ARID5A: variants seen among roughly 807,000 people sequenced by gnomAD.
The protein encoded by ARID5A is AT-rich interaction domain 5A.
ARID5A carries 14 observed loss-of-function variants against 30.5 expected under a neutral mutation model. The observed-to-expected ratio is 0.46, with a 90% confidence interval of 0.30 to 0.72. The LOEUF (loss-of-function observed/expected upper bound fraction) is 0.72, where lower values mean the gene tolerates loss of function less well. Among genes scored for constraint, ARID5A ranks in the 30% least tolerant of loss-of-function variants. The probability of loss-of-function intolerance (pLI) is 0.07; values close to 1 mark genes in which losing one functional copy is unlikely to be tolerated. For missense variants in ARID5A, 669 were observed against 786.2 expected, an observed-to-expected ratio of 0.85 and a Z score of 1.78; for synonymous variants, 338 against 340.4, an observed-to-expected ratio of 0.99 and a Z score of 0.08.
Position 96,551,574 on chromosome 2 carries a change from C to G in ARID5A, c.1046C>G (p.Thr349Ser). Residue 349 changes from threonine to serine, a missense_variant, in exon 7 of 7, where the codon ACC becomes AGC. Thr to Ser is a moderately conservative substitution (Grantham distance 58). Transcript: ENST00000357485. ...IFKGCFYTHP[T>S]EVLKPVSQHP... ...AAGGGCTGCTTCTACACCCACCCCA[C>G]CGAGGTGCTGAAGCCTGTCAGCCAG... The G allele has an allele frequency of 7.5e-6, 12 of 1,595,610 alleles. No individual in the cohort carries two copies. The highest frequency in any genetic ancestry group is 1.0e-5 in the Non-Finnish European group (12 of 1,173,548).
Position 96,551,779 on chromosome 2 carries a change from G to A in ARID5A, c.1251G>A (p.Trp417Ter), listed in dbSNP as rs1215798049. 1 of 1,539,076 alleles carries A rather than the reference G, an allele frequency of 6.5e-7. No individual in the cohort carries two copies. The highest frequency in any genetic ancestry group is 8.7e-7 in the Non-Finnish European group (1 of 1,147,700). ...TCTACCCCAAGCCCAAAGCCTGCTG[G>A]GTGTCCCCCATGGCCAAGGTCCCAG... Reference protein sequence around the residue: ...GILYPKPKACWVSPMAKVPAE... With the variant: ...GILYPKPKAC Residue 417 changes from tryptophan to a stop codon, truncating the protein, a stop_gained, in exon 7 of 7, where the codon TGG becomes TGA. Transcript: ENST00000357485. LOFTEE classifies it low-confidence loss of function (END_TRUNC).
intron 1 of ARID5A, among the ~76,000 whole-genome samples, chr2:96,546,558 C>T (rs926561110): frequency 6.6e-5 from 10 of 152,350 alleles, no homozygotes; most frequent in East Asian, 5.8e-4. Context: ...GAAGCCTCAC[C>T]GAACTATCAG....
intron 1 of ARID5A, 143 bp from the exon 2 acceptor site, chr2:96,547,259 G>T: frequency 1.6e-6 from 1 of 627,234 alleles, no homozygotes; most frequent in East Asian, 3.1e-5. Context: ...CAAAGTGCTG[G>T]GATCACAGGA....
At position 96,549,323 on chromosome 2, in the gene ARID5A, C is replaced by T. The variant is rs1305408353; in HGVS notation, c.123C>T (p.Asp41=). ...AATGCCTCCTGTTCTCTCCCCAGGA[C>T]TCCCCCGAGGCAGGCGGGGAGCGGG... ...NGIQNPISLE[D]SPEAGGEREE... is the part of the protein sequence containing the mutation. Residue 41 remains aspartate (D), a splice_region_variant and synonymous_variant, in exon 3 of 7, where the codon GAC becomes GAT. Transcript: ENST00000357485. The surrounding 1 kb of genome is among the most constrained non-coding windows in gnomAD (Gnocchi z 6.1). 7.4e-6 allele frequency: 12 copies of T among 1,612,710 alleles called. No homozygotes were observed. The East Asian group carries it at 2.7e-4, about 36-fold the overall frequency.
rs1433200067 is a variant in ARID5A at position 96,549,680 on chromosome 2, C to T, written c.260-73C>T. ...CTGGTCTGTGCCTGGCCTGTCAGGG[C>T]ACCAGGAAGGGGTGGCATGCTGTCC... On this transcript the variant is annotated intron_variant, in intron 3 of 6. Coordinates refer to ENST00000357485, the MANE Select transcript of ARID5A (RefSeq NM_212481.3). This position sits in a 1 kb window ranked among gnomAD's most constrained non-coding sequence, Gnocchi z 6.1. 1 of 1,603,126 alleles carries T rather than the reference C, an allele frequency of 6.2e-7. No individual in the cohort carries two copies. Among genetic ancestry groups the T allele is most frequent in the Non-Finnish European group, 8.5e-7 (1 of 1,170,720 alleles).
At chr2:96,547,898 G>A (rs1272588914) in intron 2 of ARID5A, among the ~76,000 whole-genome samples, 2 of 152,240 alleles carry the variant, frequency 1.3e-5, no homozygotes, top group Non-Finnish European at 2.9e-5. Context: ...GCTGCAGGCA[G>A]CTTTTTCGGA....
Position 96,551,520 on chromosome 2 carries a change from C to A in ARID5A, c.992C>A (p.Ala331Glu). ...GGCAGCCTCAGAGAGGAGGCGCAGG[C>A]AGGCCCCTGCCCGGCAGCCCCCATC... Reference protein sequence around the residue: ...PGGSLREEAQAGPCPAAPIFK... With the variant: ...PGGSLREEAQEGPCPAAPIFK... Residue 331 changes from alanine to glutamate, a missense_variant, in exon 7 of 7, where the codon GCA becomes GAA. By Grantham distance (107) the Ala-to-Glu change is moderately radical (BLOSUM62 -1). This residue lies in a region of ARID5A where 548 missense variants were observed against 577.4 expected (regional missense o/e 0.95). Transcript: ENST00000357485. 1 of 1,600,090 alleles carries A rather than the reference C, an allele frequency of 6.2e-7. No homozygotes were observed. The highest frequency in any genetic ancestry group is 2.3e-5 in the East Asian group (1 of 44,314).
Position 96,551,619 on chromosome 2 carries a change from C to T in ARID5A, c.1091C>T (p.Ser364Phe), listed in dbSNP as rs757687109. 1 of 1,544,350 alleles carries T rather than the reference C, an allele frequency of 6.5e-7. No homozygotes were observed. The highest frequency in any genetic ancestry group is 8.7e-7 in the Non-Finnish European group (1 of 1,149,996). ...AGCCAGCACCCCAGGGACTTCTTCT[C>T]TAGACTTAAAGATGGGGTGCTATTG... is the stretch of plus-strand genomic sequence containing the variant. ...PVSQHPRDFFSRLKDGVLLGP... is the reference protein window; with the variant it reads ...PVSQHPRDFFFRLKDGVLLGP... The change falls in exon 7 of 7, where the codon TCT becomes TTT. Residue 364 changes from serine to phenylalanine, a missense_variant. By Grantham distance (155) the Ser-to-Phe change is radical (BLOSUM62 -2). Around this residue, in one of 4 missense-constraint regions of ARID5A, gnomAD observed 548 missense variants for 577.4 expected, o/e 0.95. Transcript: ENST00000357485.
chr2:96,537,779 T>A lies in ARID5A; in HGVS notation c.4+949T>A. ...CGCCCGGGCTGGGGTCGCGTCACCC[T>A]CCGCCCAGCGCCGGCGTGGTGGGGC... is the stretch of plus-strand genomic sequence containing the variant. On this transcript the variant is annotated intron_variant, in intron 1 of 6. Coordinates refer to ENST00000357485, the MANE Select transcript of ARID5A (RefSeq NM_212481.3). The surrounding 1 kb of genome is among the most constrained non-coding windows in gnomAD (Gnocchi z 4.8). 7 of 867,196 alleles carry A rather than the reference T, an allele frequency of 8.1e-6. No homozygotes were observed. Among genetic ancestry groups the A allele is most frequent in the South Asian group, 5.3e-5 (1 of 18,994 alleles). The allele number at this position is 867,196 out of a possible 1,614,324, so 53.7% of individuals were successfully genotyped here.
In ARID5A at chr2:96,550,101, C is replaced by A. The variant is rs964858753; in HGVS notation, c.313-87C>A. ...GAGCAGCTGCCAAACTGCAGTCCTT[C>A]GAGTCCCTGCGAGGGCGGCCGGAGC... On this transcript the variant is annotated intron_variant, in intron 4 of 6. Transcript: ENST00000357485. This position sits in a 1 kb window ranked among gnomAD's most constrained non-coding sequence, Gnocchi z 6.6. 6.5e-7 allele frequency: 1 copy of A among 1,531,494 alleles called. No homozygotes were observed. Among genetic ancestry groups the A allele is most frequent in the Non-Finnish European group, 8.7e-7 (1 of 1,144,478 alleles). 94.9% of individuals were successfully genotyped at this position (1,531,494 alleles called of 1,614,324 possible).
At position 96,549,497 on chromosome 2, in the gene ARID5A, C is replaced by T. The variant is rs2065987851; in HGVS notation, c.259+38C>T. ...GGTGCAGGCAGGGAGGGGGGCCCAG[C>T]AGGGGACCCCGCCCAGGCAGGGCAT... On this transcript the variant is annotated intron_variant, in intron 3 of 6. Coordinates refer to ENST00000357485, the MANE Select transcript of ARID5A (RefSeq NM_212481.3). This position sits in a 1 kb window ranked among gnomAD's most constrained non-coding sequence, Gnocchi z 6.1. The T allele has an allele frequency of 1.3e-6, 2 of 1,599,670 alleles. No homozygotes were observed. The highest frequency in any genetic ancestry group is 8.5e-7 in the Non-Finnish European group (1 of 1,171,504).
intron 1 of ARID5A, among the ~76,000 whole-genome samples, chr2:96,542,910 G>A (rs902111498): frequency 6.6e-6 from 1 of 152,116 alleles, no homozygotes; most frequent in African/African-American, 2.4e-5. Context: ...AAGACTTCAG[G>A]AATTCACGGA....
Position 96,551,332 on chromosome 2 carries a change from C to G in ARID5A, c.804C>G (p.Ser268Arg). The change falls in exon 7 of 7, where the codon AGC becomes AGG. Residue 268 changes from serine to arginine, a missense_variant. By Grantham distance (110) the Ser-to-Arg change is moderately radical. Around this residue, in one of 4 missense-constraint regions of ARID5A, gnomAD observed 548 missense variants for 577.4 expected, o/e 0.95. Transcript: ENST00000357485. ...LAKKKLLAQVSKVEALQCQEE... is the reference protein window; with the variant it reads ...LAKKKLLAQVRKVEALQCQEE... ...AAAAGAAGCTCCTGGCCCAGGTGAG[C>G]AAGGTGGAGGCCTTGCAGTGCCAGG... 1 of 1,613,568 alleles carries G rather than the reference C, an allele frequency of 6.2e-7. No homozygotes were observed.
intron 1 of ARID5A, among the ~76,000 whole-genome samples, chr2:96,543,081 G>C (rs550844530): frequency 6.6e-6 from 1 of 152,150 alleles, no homozygotes; most frequent in Non-Finnish European, 1.5e-5. Context: ...TAGCCCAAGA[G>C]GGTGGCCCTG....
intron 1 of ARID5A, among the ~76,000 whole-genome samples, chr2:96,546,499 G>A (rs776720681): frequency 4.6e-5 from 7 of 152,262 alleles, no homozygotes; most frequent in Admixed American, 3.3e-4. Flanking sequence ...ACGCAGGGTT[G>A]TTGTGAGCCT....
At position 96,549,249 on chromosome 2, in the gene ARID5A, G is replaced by A. The variant is rs1573199004; in HGVS notation, c.121-72G>A. On this transcript the variant is annotated intron_variant, in intron 2 of 6. Coordinates refer to ENST00000357485, the MANE Select transcript of ARID5A (RefSeq NM_212481.3). This position sits in a 1 kb window ranked among gnomAD's most constrained non-coding sequence, Gnocchi z 6.1. ...AGGTACCTTATTCCTCCTGCAGCCAGTGGTTTCTGCACATCCCCAGCAGCC... is the reference window on the plus strand; with the variant it reads ...AGGTACCTTATTCCTCCTGCAGCCAATGGTTTCTGCACATCCCCAGCAGCC... The A allele has an allele frequency of 6.4e-7, 1 of 1,572,548 alleles. No individual in the cohort carries two copies.
chr2:96,536,783 G>C lies in ARID5A; in HGVS notation c.-44G>C, dbSNP rs936691782. On this transcript the variant is annotated 5_prime_UTR_variant, in exon 1 of 7. Transcript: ENST00000357485. ...GAGAGCGCGGGGTCCGGACAGCCGCGCGCTGAGGGTCTCGGGGCGGGCGCC... is the reference window on the plus strand; with the variant it reads ...GAGAGCGCGGGGTCCGGACAGCCGCCCGCTGAGGGTCTCGGGGCGGGCGCC... The C allele has an allele frequency of 2.5e-6, 3 of 1,187,570 alleles. No homozygotes were observed. The highest frequency in any genetic ancestry group is 4.3e-5 in the South Asian group (1 of 23,524). The allele number at this position is 1,187,570 out of a possible 1,614,324, so 73.6% of individuals were successfully genotyped here. A position where few individuals can be genotyped will look rare whatever the true frequency, so the allele number is the denominator to read the frequency against.
Position 96,550,015 on chromosome 2 carries a change from G to C in ARID5A, c.313-173G>C. The C allele has an allele frequency of 6.5e-7, 1 of 1,533,752 alleles. No individual in the cohort carries two copies. Among genetic ancestry groups the C allele is most frequent in the Non-Finnish European group, 8.7e-7 (1 of 1,146,358 alleles). ...CTGCCCGCCCCGTGTTGGGAAAACTGCTTGGGCCAGCAGTCCATGGCCCTA... is the reference window on the plus strand; with the variant it reads ...CTGCCCGCCCCGTGTTGGGAAAACTCCTTGGGCCAGCAGTCCATGGCCCTA... On this transcript the variant is annotated intron_variant, in intron 4 of 6. Transcript: ENST00000357485. The surrounding 1 kb of genome is among the most constrained non-coding windows in gnomAD (Gnocchi z 6.6).
chr2:96,541,632 T>G (rs1458850491), intron 1 of ARID5A, among the ~76,000 whole-genome samples: 1 of 152,234 alleles, frequency 6.6e-6, no homozygotes, highest in Non-Finnish European at 1.5e-5. Context: ...TATTTCATCC[T>G]GTATACTGGA....
Sources: allele counts gnomAD v4.1 joint callset (sites outside exome capture counted in the v4.1 genomes callset), GRCh38; gene constraint gnomAD v4.1.1; regional missense constraint gnomAD v4.1.1; non-coding constraint Gnocchi (gnomAD v3.1); transcripts MANE v1.5; gene names NCBI Gene and HGNC (gene_info 2026-07-23, HGNC 2026-07-21).